The following CCDC178 variants were observed in gnomAD, a reference collection of about 807,000 sequenced individuals.
CCDC178 encodes the protein coiled-coil domain containing 178, also known as coiled-coil domain-containing protein 178.
CCDC178 carries 126 observed loss-of-function variants against 117.4 expected under a neutral mutation model. The ratio of observed to expected loss-of-function variants is 1.07; its 90% CI spans 0.93 to 1.24. CCDC178 has a LOEUF of 1.24. CCDC178 is among the 50% of genes most tolerant of loss of function. The pLI is 0.00. For missense variants in CCDC178, 1,030 were observed against 986.9 expected (o/e 1.04, Z -0.59); for synonymous variants, 283 against 313.4 (o/e 0.90, Z 1.02).
At chr18:33,328,664 C>T (rs1039954367) in intron 10 of CCDC178, among the ~76,000 whole-genome samples, 2 of 152,050 alleles carry the variant, frequency 1.3e-5, no homozygotes, top group East Asian at 3.9e-4. Flanking sequence ...CTTTATTTAT[C>T]TATTTCTTTA....
At chr18:33,314,699 G>C (rs953103696) in intron 11 of CCDC178, among the ~76,000 whole-genome samples, 3 of 152,102 alleles carry the variant, frequency 2.0e-5, no homozygotes, top group African/African-American at 7.2e-5. Context: ...TGGATACTAT[G>C]CTTACTTAAA....
At chr18:33,151,839 G>A (rs530740236) in intron 20 of CCDC178, among the ~76,000 whole-genome samples, 6 of 152,026 alleles carry the variant, frequency 3.9e-5, no homozygotes, top group African/African-American at 1.2e-4. Context: ...AACCATGACT[G>A]GAATAAAGAA....
chr18:33,365,313 A>G (rs575270128), intron 6 of CCDC178, among the ~76,000 whole-genome samples: 2 of 152,222 alleles, frequency 1.3e-5, no homozygotes, highest in African/African-American at 4.8e-5. Flanking sequence ...GAGAATGACA[A>G]ACTTTTTAAC....
At chr18:33,209,392 G>A (rs1430056870) in intron 20 of CCDC178, among the ~76,000 whole-genome samples, 1 of 151,882 alleles carries the variant, frequency 6.6e-6, no homozygotes, top group Admixed American at 6.6e-5. Context: ...ATTAACTCTT[G>A]TGACTTTTAT....
chr18:33,261,373 A>G (rs7232522), intron 14 of CCDC178, among the ~76,000 whole-genome samples: 152,147 of 152,192 alleles, frequency 1, 76,051 homozygotes, highest in Middle Eastern at 1. Context: ...TTGAGCCACC[A>G]CGCCCGGCCT....
At chr18:33,109,182 T>C (rs991872757) in intron 20 of CCDC178, among the ~76,000 whole-genome samples, 1 of 151,708 alleles carries the variant, frequency 6.6e-6, no homozygotes, top group Non-Finnish European at 1.5e-5. Flanking sequence ...GTAAATAATA[T>C]TGTATTCTTT....
rs1046757767 is a variant in CCDC178 at position 32,980,160 on chromosome 18, A to G, written c.2389-5479T>C. ...ATAAAAATTAAAATGATAACTTCTA[A>G]TGGAAAAAAAATTGACAAATCTAAC... is the stretch of plus-strand genomic sequence containing the variant. On this transcript the variant is annotated intron_variant, in intron 21 of 22. Transcript: ENST00000383096. Among the ~76,000 whole-genome samples, 4 of 650 alleles carry G rather than the reference A, an allele frequency of 6.2e-3. No homozygotes were observed. In the Non-Finnish European group the frequency reaches 0.071, roughly 12 times the overall value. The allele number at this position is 650 out of a possible 152,430, so 0.4% of individuals were successfully genotyped here. A position where few individuals can be genotyped will look rare whatever the true frequency, so the allele number is the denominator to read the frequency against.
At chr18:33,379,312 T>C (rs1479776656) in intron 5 of CCDC178, among the ~76,000 whole-genome samples, 1 of 151,584 alleles carries the variant, frequency 6.6e-6, no homozygotes, top group Non-Finnish European at 1.5e-5. Context: ...TATAGCGCTA[T>C]GCACCTCTGT....
chr18:33,137,907 A>C (rs2058148770), intron 20 of CCDC178, among the ~76,000 whole-genome samples: 1 of 152,222 alleles, frequency 6.6e-6, no homozygotes, highest in African/African-American at 2.4e-5. Flanking sequence ...CTACTATTGA[A>C]TGGCTCTGTA....
chr18:33,365,839 A>G (rs1303587891), intron 6 of CCDC178, among the ~76,000 whole-genome samples: 1 of 152,110 alleles, frequency 6.6e-6, no homozygotes, highest in Non-Finnish European at 1.5e-5. Context: ...GAAAAAAATA[A>G]AACAAGAGTC....
intron 18 of CCDC178, 47 bp downstream of exon 18, chr18:33,223,059 T>C (rs1459369215): frequency 2.9e-6 from 4 of 1,383,266 alleles, no homozygotes; most frequent in African/African-American, 2.9e-5. Context: ...TTCACTGACA[T>C]ACATAAACTG....
intron 22 of CCDC178, among the ~76,000 whole-genome samples, chr18:32,971,919 G>A (rs1380375532): frequency 6.6e-6 from 1 of 151,984 alleles, no homozygotes; most frequent in Non-Finnish European, 1.5e-5. Context: ...CTGGATATTA[G>A]ACCTTTGTCT....
intron 14 of CCDC178, among the ~76,000 whole-genome samples, chr18:33,248,112 T>C (rs1568086383): frequency 1.3e-5 from 2 of 151,816 alleles, no homozygotes; most frequent in Non-Finnish European, 2.9e-5. Flanking sequence ...ATTAAGGACA[T>C]ACAAAGTGAT....
At chr18:33,265,886 G>T (rs2059807327) in intron 14 of CCDC178, among the ~76,000 whole-genome samples, 2 of 152,016 alleles carry the variant, frequency 1.3e-5, no homozygotes, top group Admixed American at 6.6e-5. Context: ...GTACTAGATT[G>T]TTGGTGGAGC....
chr18:33,404,198 T>G (rs993140493), intron 3 of CCDC178, among the ~76,000 whole-genome samples: 3 of 152,134 alleles, frequency 2.0e-5, no homozygotes, highest in African/African-American at 7.2e-5. Flanking sequence ...TGGACCTTAG[T>G]TCATAAAAAT....
intron 11 of CCDC178, 159 bp downstream of exon 11, chr18:33,323,328 ATATC>A: frequency 2.6e-6 from 1 of 382,376 alleles, no homozygotes; most frequent in Non-Finnish European, 4.5e-6. Context: ...TATGAAATAT[ATATC>A]TTTTTATTTA....
rs79559737 is a variant in CCDC178 at position 33,274,545 on chromosome 18, T to A, written c.1177-7248A>T. Among the ~76,000 whole-genome samples the A allele has an allele frequency of 1.8e-3, 273 of 151,990 alleles. 5 individuals are homozygous for A. In the East Asian group the frequency reaches 0.041, roughly 23 times the overall value. On this transcript the variant is annotated intron_variant, in intron 12 of 22. Transcript: ENST00000383096. ...AATGGATAAACAAAATGTAATGTAC[T>A]TAGAAAATGGAAACTACTCAGTCAT...
At chr18:33,294,785 C>T (rs1252873436) in intron 11 of CCDC178, among the ~76,000 whole-genome samples, 15 of 152,110 alleles carry the variant, frequency 9.9e-5, no homozygotes, top group Admixed American at 9.8e-4. Flanking sequence ...TTATCTATTG[C>T]CTCCAGTCCA....
intron 14 of CCDC178, among the ~76,000 whole-genome samples, chr18:33,254,269 C>G (rs2059652614): frequency 6.6e-6 from 1 of 150,872 alleles, no homozygotes; most frequent in Admixed American, 6.6e-5. Context: ...CACACACACA[C>G]ACACACACAC....
Sources: allele counts gnomAD v4.1 joint callset (sites outside exome capture counted in the v4.1 genomes callset), GRCh38; gene constraint gnomAD v4.1.1; transcripts MANE v1.5; gene names NCBI Gene and HGNC (gene_info 2026-07-23, HGNC 2026-07-21).